Variants in STAG3 observed in about 807,000 individuals in gnomAD.
The protein encoded by STAG3 is cohesin subunit SA-3.
A neutral mutation model predicts 160.7 loss-of-function variants in STAG3; 101 were observed. The ratio of observed to expected loss-of-function variants is 0.63; its 90% CI spans 0.54 to 0.74. The LOEUF (loss-of-function observed/expected upper bound fraction) is 0.74, where lower values mean the gene tolerates loss of function less well. Among genes scored for constraint, STAG3 ranks in the 30% least tolerant of loss-of-function variants. The pLI, the probability that STAG3 is intolerant of heterozygous loss-of-function variation, is 0.00. For missense variants in STAG3, 1,188 were observed against 1,517.4 expected, an observed-to-expected ratio of 0.78 and a Z score of 3.61; for synonymous variants, 519 against 585.0, an observed-to-expected ratio of 0.89 and a Z score of 1.63.
In STAG3 at chr7:100,205,400, T is replaced by G; in HGVS notation, c.3238+16T>G. The G allele has an allele frequency of 6.2e-7, 1 of 1,601,522 alleles. No homozygotes were observed. The highest frequency in any genetic ancestry group is 1.3e-5 in the African/African-American group (1 of 74,576). ...CGCGTTGAAGGTAGGGTGCTGTGTG[T>G]GGGTATGGGGGTGCCCAGCAGGTGG... is the stretch of plus-strand genomic sequence containing the variant. On this transcript the variant is annotated intron_variant, in intron 29 of 33. Transcript: ENST00000615138.
intron 8 of STAG3, 59 bp from the exon 9 acceptor site, chr7:100,195,250 C>T (rs1800607926): frequency 1.4e-6 from 2 of 1,480,190 alleles, no homozygotes; most frequent in Admixed American, 1.7e-5. Context: ...TCTGTATCTT[C>T]AGGGCCTTAT....
At chr7:100,201,719 G>GT in intron 21 of STAG3, 67 bp from the exon 22 acceptor site, 2 of 1,370,184 alleles carry the variant, frequency 1.5e-6, no homozygotes, top group Non-Finnish European at 1.0e-6. Flanking sequence ...TCACTGGTGT[G>GT]TTTCTGGCTA....
At chr7:100,216,799 G>A (rs181447957), downstream of STAG3, among the ~76,000 whole-genome samples, 475 of 152,100 alleles carry the variant, frequency 3.1e-3, 5 homozygotes, top group Non-Finnish European at 5.1e-3. Flanking sequence ...AATTTATTCT[G>A]ATACTTTTAA....
chr7:100,197,690 A>G, intron 10 of STAG3, 88 bp from the exon 11 acceptor site: 1 of 1,029,956 alleles, frequency 9.7e-7, no homozygotes, highest in Non-Finnish European at 1.5e-6. Context: ...AGAATGAGGG[A>G]TCGGAGAGGG....
At chr7:100,199,050 G>A (rs1800885321) in intron 14 of STAG3, 93 bp downstream of exon 14, 1 of 1,198,324 alleles carries the variant, frequency 8.3e-7, no homozygotes, top group East Asian at 2.4e-5. Flanking sequence ...AGCACTTTGG[G>A]AGGCTGAGGT....
At position 100,200,307 on chromosome 7, in the gene STAG3, G is replaced by A. The variant is rs1801015501; in HGVS notation, c.1749G>A (p.Leu583=). 1.2e-6 allele frequency: 2 copies of A among 1,613,634 alleles called. No homozygotes were observed. The highest frequency in any genetic ancestry group is 1.7e-5 in the Admixed American group (1 of 59,966). ...RVKLTEHLIP[L]LPQLLAKFSA... ...AGTTGACTGAGCACCTCATCCCCCTGCTGCCCCAGCTCCTGGCCAAGGTAC... is the reference window on the plus strand; with the variant it reads ...AGTTGACTGAGCACCTCATCCCCCTACTGCCCCAGCTCCTGGCCAAGGTAC... The change falls in exon 17 of 34, where the codon CTG becomes CTA. Residue 583 remains leucine (L), a synonymous_variant. Transcript: ENST00000615138.
chr7:100,197,913 C>T (rs1368483700), intron 11 of STAG3, 37 bp downstream of exon 11: 20 of 1,587,540 alleles, frequency 1.3e-5, no homozygotes, highest in Non-Finnish European at 1.6e-5. Context: ...GGCTCTTTGT[C>T]GTGGTTCCTA....
At chr7:100,190,356 T>C (rs1006891533) in intron 8 of STAG3, among the ~76,000 whole-genome samples, 16 of 152,240 alleles carry the variant, frequency 1.1e-4, no homozygotes, top group Non-Finnish European at 2.4e-4. Flanking sequence ...GGACTCACCA[T>C]GTCTGACCAT....
intron 1 of STAG3, 111 bp from the exon 2 acceptor site, chr7:100,180,382 C>G: frequency 3.5e-6 from 2 of 576,046 alleles, no homozygotes; most frequent in South Asian, 2.0e-5. Flanking sequence ...TTTGGTCCCC[C>G]TCACCTGACC....
In STAG3 at chr7:100,200,533, C is replaced by T; in HGVS notation, c.1851C>T (p.Arg617=). 2 of 1,614,040 alleles carry T rather than the reference C, an allele frequency of 1.2e-6. No individual in the cohort carries two copies. The highest frequency in any genetic ancestry group is 8.5e-7 in the Non-Finnish European group (1 of 1,180,046). Residue 617 remains arginine, a synonymous_variant, in exon 18 of 34, where the codon CGC becomes CGT. Transcript: ENST00000615138. ...CFDLHIYCTG[R]LEKHLELFLQ... ...ACCTCCACATCTACTGCACTGGGCG[C>T]TTGGAGAAGGTAGGGAGATAGATTT...
At chr7:100,204,339 T>C (rs569797293) in intron 26 of STAG3, among the ~76,000 whole-genome samples, 1 of 152,348 alleles carries the variant, frequency 6.6e-6, no homozygotes, top group East Asian at 1.9e-4. Flanking sequence ...ATCAGGACAT[T>C]GGAACGCCAA....
intron 32 of STAG3, chr7:100,213,369 A>C: frequency 1.0e-6 from 1 of 985,408 alleles, no homozygotes; most frequent in Non-Finnish European, 1.2e-6. Flanking sequence ...GGGAAGGAAA[A>C]AGAACAGAAT....
In STAG3 at chr7:100,198,134, G is replaced by A. The variant is rs757342468; in HGVS notation, c.1212G>A (p.Val404=). 11 of 1,613,980 alleles carry A rather than the reference G, an allele frequency of 6.8e-6. No homozygotes were observed. The highest frequency in any genetic ancestry group is 9.3e-6 in the Non-Finnish European group (11 of 1,179,866). ...MVMDREYDVA[V]EAVRLLILIL... ...TGGACAGAGAGTATGATGTGGCAGT[G>A]GAGGCTGTCAGATTACTGATACTTA... Residue 404 remains valine, a synonymous_variant, in exon 12 of 34, where the codon GTG becomes GTA. Transcript: ENST00000615138.
At chr7:100,216,083 T>C (rs1414920366), downstream of STAG3, among the ~76,000 whole-genome samples, 2 of 152,120 alleles carry the variant, frequency 1.3e-5, no homozygotes, top group Non-Finnish European at 2.9e-5. Flanking sequence ...ATTCCAACCT[T>C]CCCTGTTTTT....
intron 9 of STAG3, among the ~76,000 whole-genome samples, chr7:100,196,043 C>T (rs984555548): frequency 1.3e-5 from 2 of 151,850 alleles, no homozygotes; most frequent in African/African-American, 4.8e-5. Flanking sequence ...GCAGGAGAAT[C>T]GCTTGAACCC....
chr7:100,196,654 G>A (rs1408585459), intron 9 of STAG3, among the ~76,000 whole-genome samples: 1 of 152,102 alleles, frequency 6.6e-6, no homozygotes, highest in East Asian at 1.9e-4. Context: ...GAAGCTGGGC[G>A]TGGTGGTGCA....
intron 4 of STAG3, among the ~76,000 whole-genome samples, chr7:100,185,351 C>T (rs1248797314): frequency 1.3e-5 from 2 of 152,062 alleles, no homozygotes; most frequent in African/African-American, 4.8e-5. Flanking sequence ...AATCCCAGCA[C>T]TTTGGGAGGC....
intron 6 of STAG3, 103 bp downstream of exon 6, chr7:100,188,632 G>A (rs1167316089): frequency 6.9e-6 from 8 of 1,154,298 alleles, no homozygotes; most frequent in Non-Finnish European, 1.0e-5. Context: ...CTTTTAGAAG[G>A]AGGAATTCAG....
chr7:100,184,794 C>T (rs982741901), intron 4 of STAG3, among the ~76,000 whole-genome samples: 1 of 151,596 alleles, frequency 6.6e-6, no homozygotes, highest in Admixed American at 6.6e-5. Flanking sequence ...GCCCATTCTC[C>T]CCCTTTTATT....
Sources: gnomAD v4.1 joint callset for allele counts (sites outside exome capture counted in the v4.1 genomes callset) on GRCh38, gnomAD v4.1.1 for gene constraint, MANE v1.5 for transcripts, NCBI Gene and HGNC (gene_info 2026-07-23, HGNC 2026-07-21) for gene names.